Variants in KRT71 observed in about 807,000 individuals in gnomAD.
KRT71 encodes the protein keratin 71, also known as keratin, type II cytoskeletal 71.
A neutral mutation model predicts 46.2 loss-of-function variants in KRT71; 42 were observed. That is an observed-to-expected ratio of 0.91 (90% CI 0.71 to 1.18). The LOEUF (loss-of-function observed/expected upper bound fraction) is 1.18, where lower values mean the gene tolerates loss of function less well. Ranked by LOEUF, KRT71 falls within the 50% of genes most tolerant of loss-of-function variation. The pLI is 0.00. For synonymous variants in KRT71, 292 were observed against 277.8 expected, an observed-to-expected ratio of 1.05 and a Z score of -0.51; for missense variants, 708 against 677.9, an observed-to-expected ratio of 1.04 and a Z score of -0.49.
Position 52,546,313 on chromosome 12 carries a change from C to T in KRT71, c.1298G>A (p.Arg433His), listed in dbSNP as rs765768484. The change falls in exon 7 of 9, where the codon CGC becomes CAC. Residue 433 changes from arginine to histidine, a missense_variant. Coordinates refer to ENST00000267119, the MANE Select transcript of KRT71 (RefSeq NM_033448.3). Reference protein sequence around the residue: ...LALDMEIATYRKLLESEECRM... With the variant: ...LALDMEIATYHKLLESEECRM... ...GCACTCCTCGCTCTCCAGTAGCTTG[C>T]GATAGGTGGCGATCTCCATGTCCAG... is the stretch of plus-strand genomic sequence containing the variant. 43 of 1,614,010 alleles carry T rather than the reference C, an allele frequency of 2.7e-5. No homozygotes were observed. The Middle Eastern group carries it at 4.9e-4, about 19-fold the overall frequency.
chr12:52,547,759 A>C, intron 6 of KRT71, 98 bp downstream of exon 6: 1 of 1,461,278 alleles, frequency 6.8e-7, no homozygotes, highest in East Asian at 2.3e-5. Context: ...CTCTTCTCCC[A>C]GGCAGCGATC....
chr12:52,545,621 TAAGAG>T, intron 7 of KRT71, 22 bp from the exon 8 acceptor site: 2 of 1,432,662 alleles, frequency 1.4e-6, no homozygotes, highest in Middle Eastern at 3.5e-4. Flanking sequence ...AGAAATAAAA[TAAGAG>T]GAGAAGAGAA....
In KRT71 at chr12:52,548,337, G is replaced by A. The variant is rs184644964; in HGVS notation, c.814-21C>T. On this transcript the variant is annotated intron_variant, in intron 4 of 8. Transcript: ENST00000267119. ...ATCTCCTGCAGGGGACACAGAAATGGTCTCTCGGCTCAACTGCTGTCGGAA... is the reference window on the plus strand; with the variant it reads ...ATCTCCTGCAGGGGACACAGAAATGATCTCTCGGCTCAACTGCTGTCGGAA... 2.3e-4 allele frequency: 360 copies of A among 1,590,950 alleles called. 2 individuals are homozygous for A. The African/African-American group carries it at 4.4e-3, about 19-fold the overall frequency.
At chr12:52,549,672 G>A (rs578183945) in intron 2 of KRT71, among the ~76,000 whole-genome samples, 27 of 152,162 alleles carry the variant, frequency 1.8e-4, no homozygotes, top group Non-Finnish European at 3.4e-4. Flanking sequence ...ATGACAAAGC[G>A]CTCCAATCTG....
chr12:52,553,107 G>A lies in KRT71; in HGVS notation c.-30C>T. 1 of 1,538,976 alleles carries A rather than the reference G, an allele frequency of 6.5e-7. No homozygotes were observed. Among genetic ancestry groups the A allele is most frequent in the Non-Finnish European group, 8.7e-7 (1 of 1,144,334 alleles). On this transcript the variant is annotated 5_prime_UTR_variant, in exon 1 of 9. Coordinates refer to ENST00000267119, the MANE Select transcript of KRT71 (RefSeq NM_033448.3). ...CTGGTGGAGACAAAGCTCAGATGCAGGAGGGAGGAAGGCAAAATCCCAAAA... is the reference window on the plus strand; with the variant it reads ...CTGGTGGAGACAAAGCTCAGATGCAAGAGGGAGGAAGGCAAAATCCCAAAA...
chr12:52,550,284 A>G, intron 1 of KRT71, 41 bp from the exon 2 acceptor site: 1 of 1,605,530 alleles, frequency 6.2e-7, no homozygotes, highest in East Asian at 2.2e-5. Flanking sequence ...CCTTGCAGTA[A>G]TAGTCACACG....
In KRT71 at chr12:52,550,217, C is replaced by T. The variant is rs757638756; in HGVS notation, c.468G>A (p.Gln156=). The change falls in exon 2 of 9, where the codon CAG becomes CAA. Residue 156 remains glutamine, a synonymous_variant. Transcript: ENST00000267119. The part of the protein sequence containing the change: ...DKVRFLEQQN[Q]VLETKWELLQ... The stretch of plus-strand genomic sequence containing the variant: ...GCAGCTCCCACTTGGTCTCCAGTAC[C>T]TGGTTCTGCTGCTCCAGGAACCGCA... 6.2e-7 allele frequency: 1 copy of T among 1,614,186 alleles called. No homozygotes were observed. Among genetic ancestry groups the T allele is most frequent in the Non-Finnish European group, 8.5e-7 (1 of 1,180,038 alleles).
At chr12:52,547,010 C>A (rs1021801530) in intron 6 of KRT71, among the ~76,000 whole-genome samples, 2 of 152,212 alleles carry the variant, frequency 1.3e-5, no homozygotes, top group African/African-American at 4.8e-5. Flanking sequence ...ATTGACATAA[C>A]TTAACGCATT....
chr12:52,552,493 C>A, intron 1 of KRT71, 144 bp downstream of exon 1: 1 of 814,288 alleles, frequency 1.2e-6, no homozygotes, highest in East Asian at 2.6e-5. Context: ...CACAGGTCAC[C>A]CTGTTGATGG....
intron 5 of KRT71, 80 bp downstream of exon 5, chr12:52,548,072 G>T: frequency 6.3e-7 from 1 of 1,599,692 alleles, no homozygotes; most frequent in Non-Finnish European, 8.5e-7. Context: ...CTGGGACACT[G>T]CTTCTATTCT....
intron 1 of KRT71, among the ~76,000 whole-genome samples, chr12:52,552,375 C>T (rs1299510480): frequency 6.6e-6 from 1 of 152,224 alleles, no homozygotes; most frequent in Non-Finnish European, 1.5e-5. Context: ...CCAAGCTAGC[C>T]CTCAAGAGGA....
At chr12:52,548,604 C>A in intron 4 of KRT71, 97 bp downstream of exon 4, 1 of 1,084,558 alleles carries the variant, frequency 9.2e-7, no homozygotes, top group South Asian at 1.4e-5. Flanking sequence ...TGAGGGGTCT[C>A]ACTGAGGGCT....
chr12:52,550,491 T>C (rs899099754), intron 1 of KRT71, among the ~76,000 whole-genome samples: 1 of 152,172 alleles, frequency 6.6e-6, no homozygotes, highest in African/African-American at 2.4e-5. Flanking sequence ...CTGTAACCCG[T>C]GCATGCAATC....
intron 6 of KRT71, among the ~76,000 whole-genome samples, chr12:52,547,097 C>T (rs1159424740): frequency 6.6e-6 from 1 of 152,202 alleles, no homozygotes; most frequent in African/African-American, 2.4e-5. Flanking sequence ...TTAAAGCCCA[C>T]AAAAGAATAG....
chr12:52,550,831 C>T (rs1045866331), intron 1 of KRT71, among the ~76,000 whole-genome samples: 8 of 152,254 alleles, frequency 5.3e-5, no homozygotes, highest in Non-Finnish European at 1.0e-4. Context: ...TGTAGCCCCT[C>T]ACTGAGGCAG....
At chr12:52,546,584 A>G in intron 6 of KRT71, 78 bp from the exon 7 acceptor site, 1 of 1,367,962 alleles carries the variant, frequency 7.3e-7, no homozygotes. Flanking sequence ...CTGGGTCCTT[A>G]GAGTGGGGCA....
At chr12:52,552,100 G>A (rs1036546634) in intron 1 of KRT71, among the ~76,000 whole-genome samples, 31 of 152,358 alleles carry the variant, frequency 2.0e-4, no homozygotes, top group East Asian at 1.7e-3. Flanking sequence ...CCACTCAGCT[G>A]TGGCCAGCAG....
rs1188835863 is a variant in KRT71, at chr12:52,547,746, T to A, written c.1104+111A>T. On this transcript the variant is annotated intron_variant, in intron 6 of 8. Coordinates refer to ENST00000267119, the MANE Select transcript of KRT71 (RefSeq NM_033448.3). ...TTTGAGGCAGCGACCTCACTGGCCTTCTCTCTTCTCCCAGGCAGCGATCTG... is the reference window on the plus strand; with the variant it reads ...TTTGAGGCAGCGACCTCACTGGCCTACTCTCTTCTCCCAGGCAGCGATCTG... 5 of 1,379,008 alleles carry A rather than the reference T, an allele frequency of 3.6e-6. No individual in the cohort carries two copies. In the East Asian group the frequency reaches 1.2e-4, roughly 32 times the overall value. The allele number at this position is 1,379,008 out of a possible 1,614,324, so 85.4% of individuals were successfully genotyped here. A position where few individuals can be genotyped will look rare whatever the true frequency, so the allele number is the denominator to read the frequency against.
rs147835463 is a variant in KRT71 at position 52,544,598 on chromosome 12, G to T, written c.1506C>A (p.Asn502Lys). ...GGEGRSRGSA[N>K]DYKDTLGKGS... ...CCTTCCCTAGGGTGTCTTTGTAATC[G>T]TTGGCACTGCCCCGGCTCCTGCCCT... Residue 502 changes from asparagine (N) to lysine (K), a missense_variant, in exon 9 of 9, where the codon AAC becomes AAA. By Grantham distance (94) the Asn-to-Lys change is moderately conservative. Coordinates refer to ENST00000267119, the MANE Select transcript of KRT71 (RefSeq NM_033448.3). The T allele has an allele frequency of 4.3e-6, 7 of 1,613,940 alleles. No homozygotes were observed. The African/African-American group carries it at 8.0e-5, about 18-fold the overall frequency.
Sources: allele counts gnomAD v4.1 joint callset (sites outside exome capture counted in the v4.1 genomes callset), GRCh38; gene constraint gnomAD v4.1.1; transcripts MANE v1.5; gene names NCBI Gene and HGNC (gene_info 2026-07-23, HGNC 2026-07-21).